Variants in MC2R observed in about 807,000 individuals in gnomAD.
MC2R encodes the protein melanocortin 2 receptor.
In MC2R, 9 loss-of-function variants were observed where a neutral mutation model predicts 9.8. That is an observed-to-expected ratio of 0.92 (90% CI 0.55 to 1.60). MC2R has a LOEUF of 1.60. Ranked by LOEUF, MC2R falls within the 40% of genes most tolerant of loss-of-function variation. The pLI is 0.00. For synonymous variants in MC2R, 185 were observed against 154.7 expected, an observed-to-expected ratio of 1.20 and a Z score of -1.45; for missense variants, 370 against 389.0, an observed-to-expected ratio of 0.95 and a Z score of 0.41.
intron 1 of MC2R, among the ~76,000 whole-genome samples, chr18:13,886,406 C>T (rs1453514289): frequency 6.6e-6 from 1 of 152,174 alleles, no homozygotes; most frequent in Non-Finnish European, 1.5e-5. Context: ...AACAGATGAA[C>T]AGCAGCGGTG....
intron 1 of MC2R, among the ~76,000 whole-genome samples, chr18:13,900,123 G>C (rs937512261): frequency 6.6e-6 from 1 of 152,094 alleles, no homozygotes; most frequent in Non-Finnish European, 1.5e-5. Context: ...TGAAGTTAAG[G>C]TGTCGAGTTT....
intron 1 of MC2R, among the ~76,000 whole-genome samples, chr18:13,896,980 C>G (rs1207721783): frequency 6.6e-6 from 1 of 152,196 alleles, no homozygotes; most frequent in Non-Finnish European, 1.5e-5. Context: ...GAATAGAAGG[C>G]TCCACTGATT....
chr18:13,884,592 T>G lies in MC2R; in HGVS notation c.*33A>C. The G allele has an allele frequency of 6.2e-7, 1 of 1,607,578 alleles. No homozygotes were observed. The highest frequency in any genetic ancestry group is 8.5e-7 in the Non-Finnish European group (1 of 1,178,874). ...CTATTCTGGCACTTGGCAACGTTAT[T>G]CCCATGGATTCTAAAACCAGGGATC... On this transcript the variant is annotated 3_prime_UTR_variant, in exon 2 of 2. Transcript: ENST00000327606.
chr18:13,901,619 T>C (rs1290545672), intron 1 of MC2R, among the ~76,000 whole-genome samples: 5 of 152,034 alleles, frequency 3.3e-5, no homozygotes, highest in Non-Finnish European at 5.9e-5. Context: ...TGCCTGTAAA[T>C]TGGAACATCT....
At chr18:13,907,463 CA>C (rs1312620975) in intron 1 of MC2R, among the ~76,000 whole-genome samples, 11 of 152,260 alleles carry the variant, frequency 7.2e-5, no homozygotes, top group Admixed American at 2.6e-4. Flanking sequence ...CTGGTCTCTG[CA>C]AAGATTTTTG....
At chr18:13,892,549 G>GGGC (rs773466626) in intron 1 of MC2R, among the ~76,000 whole-genome samples, 3 of 152,088 alleles carry the variant, frequency 2.0e-5, no homozygotes, top group Non-Finnish European at 2.9e-5. Flanking sequence ...TTTTCTGCCA[G>GGGC]GGCACCCCTT....
intron 1 of MC2R, among the ~76,000 whole-genome samples, chr18:13,907,194 A>G (rs779842673): frequency 1.3e-5 from 2 of 152,236 alleles, no homozygotes; most frequent in Non-Finnish European, 2.9e-5. Context: ...ATGGAAGAGA[A>G]TAAATAACCC....
chr18:13,898,901 G>A (rs1201719074), intron 1 of MC2R, among the ~76,000 whole-genome samples: 1 of 152,126 alleles, frequency 6.6e-6, no homozygotes, highest in African/African-American at 2.4e-5. Flanking sequence ...CCAAGGACTG[G>A]TACAAACAAG....
chr18:13,905,800 G>A (rs1032307347), intron 1 of MC2R, among the ~76,000 whole-genome samples: 1 of 152,136 alleles, frequency 6.6e-6, no homozygotes, highest in South Asian at 2.1e-4. Flanking sequence ...GTTCACGCCT[G>A]TAATCCCAGC....
At chr18:13,893,772 A>G (rs1261406791) in intron 1 of MC2R, among the ~76,000 whole-genome samples, 1 of 152,220 alleles carries the variant, frequency 6.6e-6, no homozygotes, top group Non-Finnish European at 1.5e-5. Flanking sequence ...CTCAAATTAT[A>G]TAGTACAATG....
intron 1 of MC2R, among the ~76,000 whole-genome samples, chr18:13,901,750 A>T (rs562087639): frequency 1.3e-5 from 2 of 152,284 alleles, no homozygotes; most frequent in African/African-American, 4.8e-5. Flanking sequence ...AAAGTCTCCC[A>T]GTAAAGAAAA....
At chr18:13,897,235 T>C (rs915810803) in intron 1 of MC2R, among the ~76,000 whole-genome samples, 6 of 152,148 alleles carry the variant, frequency 3.9e-5, no homozygotes, top group Non-Finnish European at 8.8e-5. Flanking sequence ...TTGTGAAACA[T>C]TGAACTCAGT....
At chr18:13,908,706 T>TTTGTGTGTGTGTGTGTGTGTGTG (rs374040158) in intron 1 of MC2R, among the ~76,000 whole-genome samples, 1,591 of 142,618 alleles carry the variant, frequency 0.011, 26 homozygotes, top group Non-Finnish European at 0.016. Context: ...CAGGAGCTTC[T>TTTGTGTGTGTGTGTGTGTGTGTG]TGTGTGTGTG....
rs1256103643 is a variant in MC2R at position 13,884,752 on chromosome 18, G to T, written c.767C>A (p.Ser256Tyr). 6.2e-7 allele frequency: 1 copy of T among 1,614,124 alleles called. No homozygotes were observed. Among genetic ancestry groups the T allele is most frequent in the South Asian group, 1.1e-5 (1 of 91,082 alleles). The change falls in exon 2 of 2, where the codon TCT (serine) becomes TAT (tyrosine). Residue 256 changes from serine (S) to tyrosine (Y), a missense_variant. Transcript: ENST00000327606. The stretch of plus-strand genomic sequence containing the variant: ...CAACATGCCGTTCACCTGGAAGAGA[G>T]ACATGTAGCAGGCGCAGTAGGGGTT... ...PSNPYCACYMSLFQVNGMLIM... is the reference protein window; with the variant it reads ...PSNPYCACYMYLFQVNGMLIM...
At chr18:13,911,629 C>T (rs877128) in intron 1 of MC2R, among the ~76,000 whole-genome samples, 26,509 of 152,076 alleles carry the variant, frequency 0.17, 2,820 homozygotes, top group East Asian at 0.37. Flanking sequence ...ATGAGTGCAG[C>T]GGGTAGCTTT....
intron 1 of MC2R, among the ~76,000 whole-genome samples, chr18:13,890,005 C>T (rs145659816): frequency 1.9e-3 from 293 of 152,300 alleles, no homozygotes; most frequent in African/African-American, 6.8e-3. Flanking sequence ...TTAGCGCTTC[C>T]ATGAATATTC....
intron 1 of MC2R, among the ~76,000 whole-genome samples, chr18:13,897,880 T>C (rs1021545463): frequency 6.6e-6 from 1 of 151,880 alleles, no homozygotes; most frequent in South Asian, 2.1e-4. Flanking sequence ...AATACCCAGG[T>C]ACTACGCTGA....
rs1288171404 is a variant in MC2R, at chr18:13,884,710, A to T, written c.809T>A (p.Val270Asp). ...GAAGGCATATATGAAGGGGTCAATG[A>T]CGGCATTGCACATGATCAACATGCC... ...VNGMLIMCNA[V>D]IDPFIYAFRS... Residue 270 changes from valine (V) to aspartate (D), a missense_variant, in exon 2 of 2, where the codon GTC becomes GAC. Physicochemically the swap from Val to Asp is radical, Grantham distance 152. Coordinates refer to ENST00000327606, the MANE Select transcript of MC2R (RefSeq NM_000529.2). 1 of 1,614,016 alleles carries T rather than the reference A, an allele frequency of 6.2e-7. No individual in the cohort carries two copies. Among genetic ancestry groups the T allele is most frequent in the African/African-American group, 1.3e-5 (1 of 74,918 alleles).
At chr18:13,904,585 G>A (rs1214360675) in intron 1 of MC2R, among the ~76,000 whole-genome samples, 2 of 150,232 alleles carry the variant, frequency 1.3e-5, no homozygotes, top group Non-Finnish European at 3.0e-5. Flanking sequence ...AAAAAAGCTG[G>A]AAGTATCATG....
Sources: allele counts gnomAD v4.1 joint callset (sites outside exome capture counted in the v4.1 genomes callset), GRCh38; gene constraint gnomAD v4.1.1; transcripts MANE v1.5; gene names NCBI Gene and HGNC (gene_info 2026-07-23, HGNC 2026-07-21).